Variants in FMN2 observed in about 807,000 individuals in gnomAD.
FMN2 encodes formin-2.
Under a neutral mutation model 142.3 loss-of-function variants are expected in FMN2, and 51 were observed. The observed-to-expected ratio is 0.36, with a 90% CI of 0.29 to 0.45. The LOEUF is 0.45. Among genes scored for constraint, FMN2 ranks in the 20% least tolerant of loss-of-function variants. The probability of loss-of-function intolerance (pLI) is 1.00; values close to 1 mark genes in which losing one functional copy is unlikely to be tolerated. For missense variants in FMN2, 1,936 were observed against 2,122.8 expected, an observed-to-expected ratio of 0.91 and a Z score of 1.73; for synonymous variants, 882 against 869.8, an observed-to-expected ratio of 1.01 and a Z score of -0.25.
chr1:240,212,713 T>C (rs1336457185), intron 6 of FMN2, among the ~76,000 whole-genome samples: 2 of 152,238 alleles, frequency 1.3e-5, no homozygotes, highest in African/African-American at 4.8e-5. Context: ...TTGCATATAG[T>C]ACACTGAGGC....
intron 8 of FMN2, among the ~76,000 whole-genome samples, chr1:240,303,268 T>C (rs1456856735): frequency 6.6e-6 from 1 of 152,194 alleles, no homozygotes; most frequent in African/African-American, 2.4e-5. Context: ...TATTTCTTCA[T>C]ACAGCTTTGA....
chr1:240,169,594 A>G (rs1664620767), intron 2 of FMN2, among the ~76,000 whole-genome samples: 1 of 152,084 alleles, frequency 6.6e-6, no homozygotes, highest in African/African-American at 2.4e-5. Flanking sequence ...AGCCTCAAGT[A>G]GCTGGGACCA....
At chr1:240,128,510 AT>A (rs1252203168) in intron 2 of FMN2, among the ~76,000 whole-genome samples, 2 of 152,118 alleles carry the variant, frequency 1.3e-5, no homozygotes, top group Non-Finnish European at 2.9e-5. Flanking sequence ...CTAGCAGGAT[AT>A]TTTTGGATGC....
rs113880483 is a variant in FMN2 at position 240,159,386 on chromosome 1, C to T, written c.1783-18535C>T. The stretch of plus-strand genomic sequence containing the variant: ...CTTGACACTCTATTTTTTCCCTGCT[C>T]TTCTAACTCCTGTATTCTGTGGCTT... On this transcript the variant is annotated intron_variant, in intron 2 of 17. Coordinates refer to ENST00000319653, the MANE Select transcript of FMN2 (RefSeq NM_020066.5). 8.8e-3 allele frequency among the ~76,000 whole-genome samples: 1,332 copies of T among 152,122 alleles called. 24 individuals are homozygous for T. The highest frequency in any genetic ancestry group is 0.031 in the African/African-American group (1,268 of 41,500).
rs1051558554 is a variant in FMN2, at chr1:240,144,225, A to C, written c.1782+20880A>C. 7.1e-6 allele frequency: 11 copies of C among 1,547,126 alleles called. 1 individual carries two copies. The highest frequency in any genetic ancestry group is 5.0e-5 in the Admixed American group (3 of 59,918). On this transcript the variant is annotated intron_variant, in intron 2 of 17. Coordinates refer to ENST00000319653, the MANE Select transcript of FMN2 (RefSeq NM_020066.5). ...ATCGTTAGCAGCTTGTCTTAAACAA[A>C]AGCTGCATTCACAAAGCCACTCACA...
chr1:240,413,767 T>G (rs1016885085), intron 15 of FMN2, among the ~76,000 whole-genome samples: 1 of 152,148 alleles, frequency 6.6e-6, no homozygotes, highest in Admixed American at 6.5e-5. Flanking sequence ...AGCCAAAGAA[T>G]TTTTCTTTAT....
chr1:240,282,219 A>G (rs1334334969), intron 7 of FMN2, among the ~76,000 whole-genome samples: 3 of 152,184 alleles, frequency 2.0e-5, no homozygotes, highest in African/African-American at 7.2e-5. Context: ...CAAAGCTCAT[A>G]GAGCTTACCA....
chr1:240,379,361 G>A lies in FMN2; in HGVS notation c.4859-13150G>A, dbSNP rs369272497. On this transcript the variant is annotated intron_variant, in intron 14 of 17. Coordinates refer to ENST00000319653, the MANE Select transcript of FMN2 (RefSeq NM_020066.5). ...TCTTGGTGGTTCTTTGCTTGTACTTGTATAATTTTACTGTATACAGGTGCC... is the reference window on the plus strand; with the variant it reads ...TCTTGGTGGTTCTTTGCTTGTACTTATATAATTTTACTGTATACAGGTGCC... Among the ~76,000 whole-genome samples, 6 of 152,160 alleles carry A rather than the reference G, an allele frequency of 3.9e-5. No individual in the cohort carries two copies. The East Asian group carries it at 5.8e-4, about 15-fold the overall frequency.
chr1:240,326,614 G>A (rs780127229), intron 8 of FMN2, among the ~76,000 whole-genome samples: 3 of 152,192 alleles, frequency 2.0e-5, no homozygotes, highest in East Asian at 1.9e-4. Context: ...TCAACCCCAC[G>A]TTGAGTCTAT....
chr1:240,133,764 T>A (rs1480316035), intron 2 of FMN2, among the ~76,000 whole-genome samples: 2 of 152,236 alleles, frequency 1.3e-5, no homozygotes, highest in Non-Finnish European at 2.9e-5. Context: ...CCCAGACATC[T>A]TCTTTAGCCA....
At chr1:240,251,868 A>G (rs997100507) in intron 6 of FMN2, among the ~76,000 whole-genome samples, 2 of 152,164 alleles carry the variant, frequency 1.3e-5, no homozygotes, top group African/African-American at 4.8e-5. Context: ...GTAAGGGCAA[A>G]TTCAAGTCAT....
At chr1:240,236,416 A>G (rs1344719346) in intron 6 of FMN2, among the ~76,000 whole-genome samples, 1 of 152,180 alleles carries the variant, frequency 6.6e-6, no homozygotes, top group African/African-American at 2.4e-5. Context: ...GTGTTCCAGA[A>G]TCATTAGACT....
At chr1:240,406,027 G>C (rs72767950) in intron 15 of FMN2, among the ~76,000 whole-genome samples, 2 of 143,546 alleles carry the variant, frequency 1.4e-5, no homozygotes, top group Admixed American at 7.0e-5. Flanking sequence ...GAAGCGAAGG[G>C]AAGCAGCGTC....
intron 15 of FMN2, among the ~76,000 whole-genome samples, chr1:240,430,721 A>C (rs1675136049): frequency 6.6e-6 from 1 of 151,424 alleles, no homozygotes; most frequent in Non-Finnish European, 1.5e-5. Context: ...GATTAAAAAA[A>C]AAAAAAAAAA....
chr1:240,459,278 T>C (rs1363858301), intron 16 of FMN2: 3 of 152,160 alleles, frequency 2.0e-5, no homozygotes, highest in African/African-American at 7.2e-5. Context: ...ATTTACAAAA[T>C]GGAGTGTGAA....
At chr1:240,367,548 C>T (rs564195616) in intron 14 of FMN2, among the ~76,000 whole-genome samples, 60 of 152,034 alleles carry the variant, frequency 3.9e-4, no homozygotes, top group African/African-American at 1.4e-3. Flanking sequence ...GTGGGTGGAT[C>T]ACGAGGTCAG....
chr1:240,226,366 A>G lies in FMN2; in HGVS notation c.4065+15131A>G, dbSNP rs187348196. On this transcript the variant is annotated intron_variant, in intron 6 of 17. Transcript: ENST00000319653. ...AGACTTATCAGAATTAATGAAGACCAGAAGGCAGTAGGATGACATTCAAAG... is the reference window on the plus strand; with the variant it reads ...AGACTTATCAGAATTAATGAAGACCGGAAGGCAGTAGGATGACATTCAAAG... 2.7e-3 allele frequency among the ~76,000 whole-genome samples: 413 copies of G among 152,346 alleles called. 3 individuals are homozygous for G. In the South Asian group the frequency reaches 0.027, roughly 10 times the overall value.
At chr1:240,262,468 T>C (rs190431686) in intron 7 of FMN2, among the ~76,000 whole-genome samples, 2 of 152,340 alleles carry the variant, frequency 1.3e-5, no homozygotes, top group African/African-American at 4.8e-5. Flanking sequence ...TAAATTGATA[T>C]TATAAGAGTA....
chr1:240,183,767 T>G (rs1340189622), intron 3 of FMN2, among the ~76,000 whole-genome samples: 1 of 152,032 alleles, frequency 6.6e-6, no homozygotes, highest in Non-Finnish European at 1.5e-5. Context: ...TGGAAAGACA[T>G]GGTATATCAG....
Sources: allele counts gnomAD v4.1 joint callset (sites outside exome capture counted in the v4.1 genomes callset), GRCh38; gene constraint gnomAD v4.1.1; transcripts MANE v1.5; gene names NCBI Gene and HGNC (gene_info 2026-07-23, HGNC 2026-07-21).